Variants in FHIT observed in about 807,000 individuals in gnomAD.
The protein encoded by FHIT is fragile histidine triad diadenosine triphosphatase, also known as bis(5'-adenosyl)-triphosphatase.
Under a neutral mutation model 17.9 loss-of-function variants are expected in FHIT, and 19 were observed. The ratio of observed to expected loss-of-function variants is 1.06; its 90% CI spans 0.74 to 1.56. The LOEUF (loss-of-function observed/expected upper bound fraction) is 1.56. FHIT is among the 40% of genes most tolerant of loss of function. The probability of loss-of-function intolerance (pLI) is 0.00; values close to 1 mark genes in which losing one functional copy is unlikely to be tolerated. For synonymous variants in FHIT, 81 were observed against 69.7 expected (o/e 1.16, Z -0.81); for missense variants, 248 against 189.2 (o/e 1.31, Z -1.82).
At chr3:60,149,018 T>C (rs1038906080) in intron 5 of FHIT, among the ~76,000 whole-genome samples, 1 of 152,164 alleles carries the variant, frequency 6.6e-6, no homozygotes, top group African/African-American at 2.4e-5. Flanking sequence ...TACGGTCTGG[T>C]AGTATTTCTA....
At chr3:61,073,185 T>A (rs2034863713) in intron 2 of FHIT, among the ~76,000 whole-genome samples, 1 of 152,198 alleles carries the variant, frequency 6.6e-6, no homozygotes, top group South Asian at 2.1e-4. Flanking sequence ...TGTAAGAGGT[T>A]CCCTAGATAG....
intron 4 of FHIT, among the ~76,000 whole-genome samples, chr3:60,538,601 C>G (rs1475455528): frequency 3.3e-5 from 5 of 151,996 alleles, no homozygotes; most frequent in Non-Finnish European, 4.4e-5. Flanking sequence ...AGATATAGAC[C>G]AATGGAACAG....
intron 2 of FHIT, among the ~76,000 whole-genome samples, chr3:61,119,791 G>T (rs912732694): frequency 7.2e-5 from 11 of 152,156 alleles, no homozygotes; most frequent in Non-Finnish European, 1.6e-4. Flanking sequence ...CCGCCCTTGG[G>T]CTGGGACTTA....
At chr3:59,847,068 C>T (rs1354839548) in intron 8 of FHIT, among the ~76,000 whole-genome samples, 1 of 152,122 alleles carries the variant, frequency 6.6e-6, no homozygotes, top group Non-Finnish European at 1.5e-5. Flanking sequence ...GTCTTTCAGG[C>T]TCACCCTATT....
intron 5 of FHIT, among the ~76,000 whole-genome samples, chr3:60,514,764 C>T (rs1351168404): frequency 6.6e-6 from 1 of 152,136 alleles, no homozygotes; most frequent in Non-Finnish European, 1.5e-5. Context: ...ACCTAGAAGT[C>T]TCTGAGAGGA....
intron 5 of FHIT, among the ~76,000 whole-genome samples, chr3:60,473,519 A>T (rs751316593): frequency 1.3e-5 from 2 of 152,226 alleles, no homozygotes; most frequent in Non-Finnish European, 2.9e-5. Context: ...GGCTTAAAAT[A>T]CATGACAATG....
intron 3 of FHIT, among the ~76,000 whole-genome samples, chr3:60,864,026 G>C (rs1363587061): frequency 6.6e-6 from 1 of 152,128 alleles, no homozygotes; most frequent in African/African-American, 2.4e-5. Flanking sequence ...CATAATCATG[G>C]CAGAAGGTGA....
intron 5 of FHIT, among the ~76,000 whole-genome samples, chr3:60,520,059 T>C (rs911410092): frequency 3.3e-5 from 5 of 152,188 alleles, no homozygotes; most frequent in African/African-American, 1.2e-4. Context: ...TCATACACCA[T>C]CTTTATATTT....
At chr3:60,507,597 G>A (rs1268156434) in intron 5 of FHIT, among the ~76,000 whole-genome samples, 1 of 152,098 alleles carries the variant, frequency 6.6e-6, no homozygotes, top group Non-Finnish European at 1.5e-5. Context: ...GCGGTTTGTT[G>A]TACAGATTAT....
intron 4 of FHIT, among the ~76,000 whole-genome samples, chr3:60,732,993 A>C (rs1292573487): frequency 2.6e-5 from 4 of 152,098 alleles, no homozygotes; most frequent in Non-Finnish European, 4.4e-5. Context: ...GCCTGATTGC[A>C]TATGAAATGC....
chr3:60,761,149 C>T (rs1434160179), intron 4 of FHIT, among the ~76,000 whole-genome samples: 1 of 152,110 alleles, frequency 6.6e-6, no homozygotes, highest in East Asian at 1.9e-4. Flanking sequence ...AATACACTTT[C>T]CTGCCACTCT....
At chr3:60,995,197 T>C (rs2030570770) in intron 3 of FHIT, among the ~76,000 whole-genome samples, 1 of 151,932 alleles carries the variant, frequency 6.6e-6, no homozygotes, top group African/African-American at 2.4e-5. Context: ...GGCAGGCGCC[T>C]GAGTCCCAGC....
intron 5 of FHIT, among the ~76,000 whole-genome samples, chr3:60,355,229 A>G (rs1403107201): frequency 6.6e-6 from 1 of 152,192 alleles, no homozygotes; most frequent in Non-Finnish European, 1.5e-5. Flanking sequence ...CCCAAAATTA[A>G]GTTCCACTTC....
At chr3:61,030,211 C>G (rs775606941) in intron 3 of FHIT, among the ~76,000 whole-genome samples, 2 of 152,300 alleles carry the variant, frequency 1.3e-5, no homozygotes, top group South Asian at 4.1e-4. Flanking sequence ...CTCAAGCCAT[C>G]CACCCACCTC....
At chr3:61,055,518 A>G (rs187621317) in intron 2 of FHIT, among the ~76,000 whole-genome samples, 53 of 152,302 alleles carry the variant, frequency 3.5e-4, no homozygotes, top group Admixed American at 2.7e-3. Context: ...TCAAGCTCCA[A>G]CCACGTGCTA....
At chr3:59,760,654 G>A (rs1035222361) in intron 8 of FHIT, among the ~76,000 whole-genome samples, 1 of 152,008 alleles carries the variant, frequency 6.6e-6, no homozygotes, top group African/African-American at 2.4e-5. Context: ...AAGAGCAACT[G>A]CAGCTCCAGG....
rs2107654770 is a variant in FHIT, at chr3:60,284,869, T to A, written c.103+251991A>T. Among the ~76,000 whole-genome samples the A allele has an allele frequency of 2.6e-5, 4 of 152,278 alleles. No homozygotes were observed. In the East Asian group the frequency reaches 7.7e-4, roughly 29 times the overall value. ...CTAGAATTTTGTTCCCCAAGCCCAC[T>A]CAAGGATTATTTAATTCTCTAAAAG... On this transcript the variant is annotated intron_variant, in intron 5 of 9. Transcript: ENST00000492590.
intron 5 of FHIT, among the ~76,000 whole-genome samples, chr3:60,349,522 C>T (rs1710973796): frequency 6.6e-6 from 1 of 152,102 alleles, no homozygotes; most frequent in African/African-American, 2.4e-5. Context: ...AGTTTACTCT[C>T]TATTTTTTAA....
At chr3:59,816,063 C>T in intron 8 of FHIT, among the ~76,000 whole-genome samples, 1 of 152,184 alleles carries the variant, frequency 6.6e-6, no homozygotes, top group East Asian at 1.9e-4. Flanking sequence ...CTGACAAAAA[C>T]TACAAAGAAA....
Sources: allele counts gnomAD v4.1 joint callset (sites outside exome capture counted in the v4.1 genomes callset), GRCh38; gene constraint gnomAD v4.1.1; transcripts MANE v1.5; gene names NCBI Gene and HGNC (gene_info 2026-07-23, HGNC 2026-07-21).